STAU2: variants seen among roughly 807,000 people sequenced by gnomAD.
The protein encoded by STAU2 is double-stranded RNA-binding protein Staufen homolog 2.
A neutral mutation model predicts 65.9 loss-of-function variants in STAU2; 20 were observed. The ratio of observed to expected loss-of-function variants is 0.30; its 90% confidence interval spans 0.21 to 0.44. The LOEUF is 0.44. Ranked by LOEUF, STAU2 falls within the 20% of genes least tolerant of loss-of-function variation. The probability of loss-of-function intolerance (pLI) is 1.00; values close to 1 mark genes in which losing one functional copy is unlikely to be tolerated. For synonymous variants in STAU2, 232 were observed against 233.9 expected, an observed-to-expected ratio of 0.99 and a Z score of 0.07; for missense variants, 558 against 683.9, an observed-to-expected ratio of 0.82 and a Z score of 2.05.
intron 6 of STAU2, among the ~76,000 whole-genome samples, chr8:73,631,060 A>C (rs2130025659): frequency 6.6e-6 from 1 of 152,270 alleles, no homozygotes; most frequent in East Asian, 1.9e-4. Flanking sequence ...TGGTCACTCA[A>C]GAATGCCAAT....
intron 13 of STAU2, among the ~76,000 whole-genome samples, chr8:73,459,973 C>T (rs1367905009): frequency 6.6e-6 from 1 of 152,158 alleles, no homozygotes; most frequent in African/African-American, 2.4e-5. Context: ...AGGAATGCTG[C>T]AGGAGGAATC....
intron 6 of STAU2, among the ~76,000 whole-genome samples, chr8:73,663,252 C>T (rs1257157425): frequency 2.6e-5 from 4 of 152,144 alleles, no homozygotes; most frequent in African/African-American, 9.7e-5. Flanking sequence ...TACTGACACA[C>T]ACTAGAATTT....
intron 13 of STAU2, among the ~76,000 whole-genome samples, chr8:73,479,712 CGTGTGTGT>C (rs5892422): frequency 4.2e-5 from 6 of 143,806 alleles, no homozygotes; most frequent in East Asian, 2.0e-4. Flanking sequence ...CTTAAATATA[CGTGTGTGT>C]GTGTGTGTGT....
chr8:73,644,080 T>C (rs1815183075), intron 6 of STAU2, among the ~76,000 whole-genome samples: 1 of 152,156 alleles, frequency 6.6e-6, no homozygotes, highest in African/African-American at 2.4e-5. Context: ...AGTGAAATTA[T>C]ACATAGTGTA....
intron 6 of STAU2, among the ~76,000 whole-genome samples, chr8:73,629,241 A>G (rs1027995860): frequency 2.6e-5 from 4 of 152,254 alleles, no homozygotes; most frequent in African/African-American, 4.8e-5. Context: ...AAAGGTTTAC[A>G]TAAAGCAAAT....
At chr8:73,588,362 C>G (rs1810525840) in intron 11 of STAU2, among the ~76,000 whole-genome samples, 1 of 152,170 alleles carries the variant, frequency 6.6e-6, no homozygotes, top group African/African-American at 2.4e-5. Context: ...TGAGTATGAG[C>G]TAGCATGATA....
intron 12 of STAU2, among the ~76,000 whole-genome samples, chr8:73,553,424 G>T (rs1290494396): frequency 3.9e-5 from 6 of 152,024 alleles, no homozygotes; most frequent in African/African-American, 1.4e-4. Flanking sequence ...AAATAAAATG[G>T]TTCCATAAAT....
intron 12 of STAU2, among the ~76,000 whole-genome samples, chr8:73,553,353 T>C (rs191010212): frequency 1.5e-3 from 233 of 152,320 alleles, no homozygotes; most frequent in African/African-American, 5.5e-3. Context: ...CTTTCAATGT[T>C]TCTCTGCTGC....
intron 13 of STAU2, among the ~76,000 whole-genome samples, chr8:73,492,100 C>T (rs1463805577): frequency 6.6e-6 from 1 of 151,512 alleles, no homozygotes; most frequent in Non-Finnish European, 1.5e-5. Flanking sequence ...GGCCCAGTAC[C>T]AAGATGTGTT....
chr8:73,637,028 T>C (rs1381714033), intron 6 of STAU2, among the ~76,000 whole-genome samples: 1 of 151,958 alleles, frequency 6.6e-6, no homozygotes, highest in Non-Finnish European at 1.5e-5. Context: ...TAAAATTCAC[T>C]GGATAGACAT....
At chr8:73,551,765 T>C (rs766303511) in intron 13 of STAU2, 272 of 1,157,026 alleles carry the variant, frequency 2.4e-4, no homozygotes, top group Non-Finnish European at 2.8e-4. Flanking sequence ...TGAAAAATGC[T>C]TAAAAAAGAA....
At chr8:73,612,951 A>C (rs1467894817) in intron 9 of STAU2, among the ~76,000 whole-genome samples, 1 of 152,180 alleles carries the variant, frequency 6.6e-6, no homozygotes, top group Non-Finnish European at 1.5e-5. Context: ...CCTGTACTAA[A>C]TGCTGATTCA....
intron 13 of STAU2, among the ~76,000 whole-genome samples, chr8:73,430,903 T>C (rs1817220416): frequency 2.0e-5 from 3 of 152,210 alleles, no homozygotes; most frequent in Admixed American, 6.5e-5. Context: ...TTGGAAGACA[T>C]ACTTGAAGCC....
intron 12 of STAU2, among the ~76,000 whole-genome samples, chr8:73,556,799 C>G (rs1274688270): frequency 6.6e-6 from 1 of 152,054 alleles, no homozygotes; most frequent in Non-Finnish European, 1.5e-5. Flanking sequence ...CAGTGGTTGT[C>G]TGGGGAGTGG....
At chr8:73,642,274 C>T (rs1815045855) in intron 6 of STAU2, among the ~76,000 whole-genome samples, 1 of 152,202 alleles carries the variant, frequency 6.6e-6, no homozygotes, top group African/African-American at 2.4e-5. Context: ...CCTGTAATCC[C>T]AGCACTTTAT....
At chr8:73,469,823 C>T (rs1819881083) in intron 13 of STAU2, among the ~76,000 whole-genome samples, 1 of 152,166 alleles carries the variant, frequency 6.6e-6, no homozygotes, top group Admixed American at 6.5e-5. Context: ...ACAAACAACA[C>T]TGTGACCCAG....
intron 13 of STAU2, among the ~76,000 whole-genome samples, chr8:73,487,523 T>C (rs1386006101): frequency 6.6e-6 from 1 of 152,102 alleles, no homozygotes; most frequent in African/African-American, 2.4e-5. Context: ...TGCCCTTCCA[T>C]TTGATAAAGA....
intron 1 of STAU2, 34 bp from the exon 2 acceptor site, chr8:73,739,902 A>C (rs1806717732): frequency 1.3e-6 from 1 of 782,960 alleles, no homozygotes; most frequent in Admixed American, 2.1e-5. Flanking sequence ...ATAATGAGAT[A>C]CCACTTCCAA....
Position 73,620,461 on chromosome 8 carries a change from GACAA to G in STAU2, c.411-3014_411-3011del, listed in dbSNP as rs553610634. On this transcript the variant is annotated intron_variant, in intron 6 of 14. Transcript: ENST00000524300. ...AAAACTCATTTTGGTTTGCCACAGA[GACAA>G]ACAAAATTTCTGTTCATTGTAACTT... Among the ~76,000 whole-genome samples, 21 of 152,258 alleles carry G rather than the reference GACAA, an allele frequency of 1.4e-4. No individual in the cohort carries two copies. In the South Asian group the frequency reaches 4.2e-3, roughly 30 times the overall value.
Sources: gnomAD v4.1 joint callset for allele counts (sites outside exome capture counted in the v4.1 genomes callset) on GRCh38, gnomAD v4.1.1 for gene constraint, MANE v1.5 for transcripts, NCBI Gene and HGNC (gene_info 2026-07-23, HGNC 2026-07-21) for gene names.